PITPNM2: variants seen among roughly 807,000 people sequenced by gnomAD.
PITPNM2 encodes phosphatidylinositol transfer protein membrane associated 2.
A neutral mutation model predicts 132.2 loss-of-function variants in PITPNM2; 35 were observed. The ratio of observed to expected loss-of-function variants is 0.26; its 90% CI spans 0.20 to 0.35. The LOEUF is 0.35. PITPNM2 is among the 10% of genes least tolerant of loss of function. PITPNM2 has a pLI of 1.00. For synonymous variants in PITPNM2, 738 were observed against 799.2 expected, an observed-to-expected ratio of 0.92 and a Z score of 1.29; for missense variants, 1,332 against 1,912.0, an observed-to-expected ratio of 0.70 and a Z score of 5.66.
At position 123,099,226 on chromosome 12, in the gene PITPNM2, G is replaced by A. The variant is rs1055748432; in HGVS notation, c.-96+11159C>T. Reference sequence around the variant, plus strand: ...TCCTTCACGCTCACCCAGAACTGTCGATTTTGCTGAAAAAAAAAATATATA... The same window carrying A: ...TCCTTCACGCTCACCCAGAACTGTCAATTTTGCTGAAAAAAAAAATATATA... On this transcript the variant is annotated intron_variant, in intron 2 of 25. Coordinates refer to ENST00000320201, the MANE Select transcript of PITPNM2 (RefSeq NM_020845.3). This position sits in a 1 kb window ranked among gnomAD's most constrained non-coding sequence, Gnocchi z 4.2. Among the ~76,000 whole-genome samples, 8 of 151,334 alleles carry A rather than the reference G, an allele frequency of 5.3e-5. No homozygotes were observed. Among genetic ancestry groups the A allele is most frequent in the African/African-American group, 1.5e-4 (6 of 41,146 alleles).
chr12:123,146,232 T>G (rs2043615603), intron 1 of PITPNM2, among the ~76,000 whole-genome samples: 1 of 152,052 alleles, frequency 6.6e-6, no homozygotes, highest in Non-Finnish European at 1.5e-5. Flanking sequence ...AGTGATGAAA[T>G]GATCTGTATA....
chr12:123,085,191 C>T (rs985714353), intron 2 of PITPNM2, among the ~76,000 whole-genome samples: 1 of 152,184 alleles, frequency 6.6e-6, no homozygotes, highest in Non-Finnish European at 1.5e-5. Flanking sequence ...ACAGGTAGAT[C>T]CAGGAGCTGA....
chr12:123,140,253 C>A (rs2043476122), intron 1 of PITPNM2, among the ~76,000 whole-genome samples: 1 of 152,198 alleles, frequency 6.6e-6, no homozygotes, highest in Non-Finnish European at 1.5e-5. Context: ...ACCTCTTAAT[C>A]CTCTTAGCCC....
chr12:123,034,715 G>C, intron 2 of PITPNM2, 30 bp from the exon 3 acceptor site: 1 of 777,982 alleles, frequency 1.3e-6, no homozygotes, highest in Non-Finnish European at 2.2e-6. Flanking sequence ...GAACAGAACA[G>C]TCACTTTCTG....
rs573156598 is a variant in PITPNM2 at position 122,984,961 on chromosome 12, G to A, written c.*1066C>T. 7 of 152,324 alleles carry A rather than the reference G, an allele frequency of 4.6e-5. No individual in the cohort carries two copies. The highest frequency in any genetic ancestry group is 2.1e-4 in the South Asian group (1 of 4,830). 9.4% of individuals were successfully genotyped at this position (152,324 alleles called of 1,614,324 possible). A position where few individuals can be genotyped will look rare whatever the true frequency, so the allele number is the denominator to read the frequency against. On this transcript the variant is annotated 3_prime_UTR_variant, in exon 26 of 26. Coordinates refer to ENST00000320201, the MANE Select transcript of PITPNM2 (RefSeq NM_020845.3). ...AAGCAAGTTGTGGCTTCTTAGATTC[G>A]GCATGAAAACGGAATTGGCATTAAA...
rs755675755 is a variant in PITPNM2 at position 122,990,665 on chromosome 12, C to T, written c.2449G>A (p.Ala817Thr). Reference sequence around the variant, plus strand: ...GGGGCAGTGCCCGGCGAGGAGGGGGCGCCATGCTCTTGGAAGGCTGCATTG... The same window carrying T: ...GGGGCAGTGCCCGGCGAGGAGGGGGTGCCATGCTCTTGGAAGGCTGCATTG... Reference protein sequence around the residue: ...THNAAFQEHGAPSSPGTAPAS... With the variant: ...THNAAFQEHGTPSSPGTAPAS... Residue 817 changes from alanine to threonine, a missense_variant, in exon 17 of 26, where the codon GCC becomes ACC. This residue lies in a region of PITPNM2 where 710 missense variants were observed against 911.5 expected (regional missense o/e 0.78). Coordinates refer to ENST00000320201, the MANE Select transcript of PITPNM2 (RefSeq NM_020845.3). The T allele has an allele frequency of 2.2e-5, 36 of 1,611,332 alleles. No homozygotes were observed. The East Asian group carries it at 3.1e-4, about 14-fold the overall frequency.
chr12:123,090,216 G>A (rs745991994), intron 2 of PITPNM2: 11 of 152,176 alleles, frequency 7.2e-5, no homozygotes, highest in African/African-American at 1.2e-4. Context: ...ACTCATGTAC[G>A]TGACTGATAA....
intron 2 of PITPNM2, among the ~76,000 whole-genome samples, chr12:123,075,253 T>C (rs1242676623): frequency 3.3e-5 from 5 of 152,354 alleles, no homozygotes; most frequent in Admixed American, 2.6e-4. Context: ...TTAATGTTCA[T>C]GAGCTTCTCT....
intron 2 of PITPNM2, among the ~76,000 whole-genome samples, chr12:123,044,108 C>T (rs751332193): frequency 6.6e-6 from 1 of 152,152 alleles, no homozygotes. Context: ...CAAAATGCCA[C>T]GGGAGGCTTA....
Position 123,008,044 on chromosome 12 carries a change from G to A in PITPNM2, c.643+1806C>T, listed in dbSNP as rs747290625. Among the ~76,000 whole-genome samples the A allele has an allele frequency of 3.9e-5, 6 of 152,160 alleles. No homozygotes were observed. Among genetic ancestry groups the A allele is most frequent in the Non-Finnish European group, 8.8e-5 (6 of 68,036 alleles). On this transcript the variant is annotated intron_variant, in intron 6 of 25. Transcript: ENST00000320201. This position sits in a 1 kb window ranked among gnomAD's most constrained non-coding sequence, Gnocchi z 4.1. Reference sequence around the variant, plus strand: ...CGGCCCACAACAGTCCGATAGGATCGGTGTCATTACACCCATTTTACAGAA... The same window carrying A: ...CGGCCCACAACAGTCCGATAGGATCAGTGTCATTACACCCATTTTACAGAA...
In PITPNM2 at chr12:123,000,204, C is replaced by T; in HGVS notation, c.1224+574G>A. On this transcript the variant is annotated intron_variant, in intron 10 of 25. Transcript: ENST00000320201. This position sits in a 1 kb window ranked among gnomAD's most constrained non-coding sequence, Gnocchi z 5.4. ...GTGATGGTGGGACAGCCCAGCTCAG[C>T]CCTGGCTCCTGTCCCAGTGCAAACA... 6 of 593,972 alleles carry T rather than the reference C, an allele frequency of 1.0e-5. No individual in the cohort carries two copies. In the South Asian group the frequency reaches 1.0e-4, roughly 10 times the overall value. 36.8% of individuals were successfully genotyped at this position (593,972 alleles called of 1,614,324 possible).
intron 2 of PITPNM2, among the ~76,000 whole-genome samples, chr12:123,061,159 A>C (rs1348388098): frequency 1.3e-5 from 2 of 152,094 alleles, no homozygotes; most frequent in Admixed American, 6.5e-5. Context: ...TCTAAACCCA[A>C]AGGTCTTCAC....
At chr12:122,999,217 G>A (rs1323937054) in intron 10 of PITPNM2, among the ~76,000 whole-genome samples, 5 of 152,150 alleles carry the variant, frequency 3.3e-5, no homozygotes, top group Admixed American at 2.6e-4. Context: ...TGAGCTGGAG[G>A]AGGAAGGCTG....
intron 5 of PITPNM2, among the ~76,000 whole-genome samples, chr12:123,012,296 T>C (rs1419393117): frequency 6.6e-6 from 1 of 152,200 alleles, no homozygotes; most frequent in Non-Finnish European, 1.5e-5. Context: ...GGGGCACTTG[T>C]GCATGGCTGT....
rs1045978115 is a variant in PITPNM2 at position 123,008,618 on chromosome 12, A to G, written c.643+1232T>C. Among the ~76,000 whole-genome samples, 13 of 152,146 alleles carry G rather than the reference A, an allele frequency of 8.5e-5. No individual in the cohort carries two copies. The highest frequency in any genetic ancestry group is 3.9e-4 in the Admixed American group (6 of 15,276). ...CCAATCTAAGCTCCCATGGGGTTAG[A>G]GAGATGGATTGTGGGAATGCATCCC... On this transcript the variant is annotated intron_variant, in intron 6 of 25. Coordinates refer to ENST00000320201, the MANE Select transcript of PITPNM2 (RefSeq NM_020845.3). This position sits in a 1 kb window ranked among gnomAD's most constrained non-coding sequence, Gnocchi z 4.1.
At chr12:123,094,647 C>T (rs902278013) in intron 2 of PITPNM2, among the ~76,000 whole-genome samples, 2 of 152,214 alleles carry the variant, frequency 1.3e-5, no homozygotes, top group Non-Finnish European at 2.9e-5. Context: ...CATAAATTAC[C>T]GTCCTCCATC....
intron 3 of PITPNM2, among the ~76,000 whole-genome samples, chr12:123,030,554 G>A (rs2040048369): frequency 6.6e-6 from 1 of 152,078 alleles, no homozygotes; most frequent in African/African-American, 2.4e-5. Context: ...TTAGCCAGGG[G>A]TGGTGGCACG....
chr12:123,017,918 C>T lies in PITPNM2; in HGVS notation c.79-3876G>A, dbSNP rs185652905. Among the ~76,000 whole-genome samples the T allele has an allele frequency of 2.4e-4, 36 of 151,990 alleles. 1 individual carries two copies. In the East Asian group the frequency reaches 6.8e-3, roughly 29 times the overall value. Reference sequence around the variant, plus strand: ...GGCGCAGGGCCCTCCCTCCCTCCATCCATCCCTTCCTCCCTCCCTCCTTTC... The same window carrying T: ...GGCGCAGGGCCCTCCCTCCCTCCATTCATCCCTTCCTCCCTCCCTCCTTTC... On this transcript the variant is annotated intron_variant, in intron 3 of 25. Coordinates refer to ENST00000320201, the MANE Select transcript of PITPNM2 (RefSeq NM_020845.3).
At chr12:122,999,465 A>C (rs2038565706) in intron 10 of PITPNM2, among the ~76,000 whole-genome samples, 1 of 152,174 alleles carries the variant, frequency 6.6e-6, no homozygotes, top group South Asian at 2.1e-4. Context: ...CGAAGGGCTT[A>C]TGGAAGAAAT....
Sources: gnomAD v4.1 joint callset for allele counts (sites outside exome capture counted in the v4.1 genomes callset) on GRCh38, gnomAD v4.1.1 for gene constraint, gnomAD v4.1.1 regional missense constraint, Gnocchi (gnomAD v3.1) non-coding constraint, MANE v1.5 for transcripts, NCBI Gene and HGNC (gene_info 2026-07-23, HGNC 2026-07-21) for gene names.